MYLK: variants seen among roughly 807,000 people sequenced by gnomAD.
The protein encoded by MYLK is myosin light chain kinase, also known as myosin light chain kinase, smooth muscle.
MYLK carries 106 observed loss-of-function variants against 203.4 expected under a neutral mutation model. The ratio of observed to expected loss-of-function variants is 0.52; its 90% confidence interval spans 0.45 to 0.61. The LOEUF (loss-of-function observed/expected upper bound fraction) is 0.61, where lower values mean the gene tolerates loss of function less well. MYLK is among the 20% of genes least tolerant of loss of function. The pLI is 0.00. For missense variants in MYLK, 2,072 were observed against 2,442.3 expected (o/e 0.85, Z 3.20); for synonymous variants, 867 against 959.5 (o/e 0.90, Z 1.78).
At chr3:123,753,082 A>G (rs1191614991) in intron 4 of MYLK, among the ~76,000 whole-genome samples, 1 of 152,192 alleles carries the variant, frequency 6.6e-6, no homozygotes, top group African/African-American at 2.4e-5. Flanking sequence ...CAGGACCTGC[A>G]CTGCCCAGCA....
At chr3:123,691,130 C>G (rs1465152311) in intron 19 of MYLK, 1 of 152,214 alleles carries the variant, frequency 6.6e-6, no homozygotes, top group African/African-American at 2.4e-5. Flanking sequence ...AAGCCGATAA[C>G]CTCCTTCACT....
At chr3:123,858,806 G>C (rs2031640324) in intron 2 of MYLK, among the ~76,000 whole-genome samples, 1 of 152,040 alleles carries the variant, frequency 6.6e-6, no homozygotes, top group African/African-American at 2.4e-5. Context: ...CATGAGTTTT[G>C]GAGCGGACGT....
At chr3:123,659,691 G>A in intron 23 of MYLK, 1 of 518,232 alleles carries the variant, frequency 1.9e-6, no homozygotes, top group African/African-American at 1.9e-5. Context: ...AAAACTCTCA[G>A]AAAAGAACAG....
chr3:123,863,367 C>A (rs1432796184), intron 2 of MYLK, among the ~76,000 whole-genome samples: 4 of 41,454 alleles, frequency 9.6e-5, no homozygotes. Context: ...AATAGCCTTG[C>A]CAAAAAAAAA....
rs928141081 is a variant in MYLK at position 123,612,694 on chromosome 3, T to C, written c.*1411A>G. Reference sequence around the variant, plus strand: ...AATGGAAGATAACATAAGACTAATATCAAAATTCTAATGTTGATACTGTGT... The same window carrying C: ...AATGGAAGATAACATAAGACTAATACCAAAATTCTAATGTTGATACTGTGT... On this transcript the variant is annotated 3_prime_UTR_variant, in exon 34 of 34. Transcript: ENST00000360304. The C allele has an allele frequency of 2.6e-5, 4 of 152,540 alleles. No individual in the cohort carries two copies. The highest frequency in any genetic ancestry group is 9.7e-5 in the African/African-American group (4 of 41,424). 9.4% of individuals were successfully genotyped at this position (152,540 alleles called of 1,614,324 possible).
In MYLK at chr3:123,642,957, A is replaced by C. The variant is rs2058887398; in HGVS notation, c.4620-2453T>G. Among the ~76,000 whole-genome samples the C allele has an allele frequency of 6.6e-6, 1 of 152,228 alleles. No homozygotes were observed. Among genetic ancestry groups the C allele is most frequent in the African/African-American group, 2.4e-5 (1 of 41,462 alleles). ...AGTCTTGGGAGAGATCTGAGGATCTATATTTGTAATAATTACTCCAGGTCA... is the reference window on the plus strand; with the variant it reads ...AGTCTTGGGAGAGATCTGAGGATCTCTATTTGTAATAATTACTCCAGGTCA... On this transcript the variant is annotated intron_variant, in intron 27 of 33. Transcript: ENST00000360304. This position sits in a 1 kb window ranked among gnomAD's most constrained non-coding sequence, Gnocchi z 4.2.
At chr3:123,627,173 A>C (rs2058188387) in intron 30 of MYLK, among the ~76,000 whole-genome samples, 1 of 152,202 alleles carries the variant, frequency 6.6e-6, no homozygotes, top group African/African-American at 2.4e-5. Flanking sequence ...AAGCCCAAGC[A>C]CCAAGGAAGT....
chr3:123,618,741 C>G lies in MYLK; in HGVS notation c.5398G>C (p.Val1800Leu), dbSNP rs1447574686. The G allele has an allele frequency of 6.2e-7, 1 of 1,614,132 alleles. No individual in the cohort carries two copies. The highest frequency in any genetic ancestry group is 1.7e-5 in the Admixed American group (1 of 60,030). ...EDVSQAFLEA[V>L]AEEKPHVKPY... The stretch of plus-strand genomic sequence containing the variant: ...TTTACATGAGGCTTTTCCTCAGCAA[C>G]AGCCTCAAGGAAAGCTTGGGACACA... Residue 1800 changes from valine (V) to leucine (L), a missense_variant, in exon 33 of 34, where the codon GTT (valine) becomes CTT (leucine). Transcript: ENST00000360304.
intron 2 of MYLK, among the ~76,000 whole-genome samples, chr3:123,866,760 C>A (rs1301160512): frequency 6.6e-6 from 1 of 152,136 alleles, no homozygotes; most frequent in Non-Finnish European, 1.5e-5. Context: ...TCAGGACAAC[C>A]CTTAGAGTCA....
At chr3:123,645,204 C>T (rs777267755) in intron 27 of MYLK, among the ~76,000 whole-genome samples, 4 of 152,206 alleles carry the variant, frequency 2.6e-5, no homozygotes, top group Non-Finnish European at 4.4e-5. Flanking sequence ...GTCGTATCTA[C>T]ATTTATGGAT....
chr3:123,808,307 G>A (rs1205537886), intron 3 of MYLK, among the ~76,000 whole-genome samples: 1 of 152,070 alleles, frequency 6.6e-6, no homozygotes, highest in East Asian at 1.9e-4. Flanking sequence ...CTTACTCTAG[G>A]TGCCTGGAAT....
chr3:123,859,264 TA>T (rs1233783941), intron 2 of MYLK, among the ~76,000 whole-genome samples: 1 of 152,262 alleles, frequency 6.6e-6, no homozygotes, highest in Admixed American at 6.5e-5. Context: ...ACAAGTAAGA[TA>T]ACATAGGCTC....
At chr3:123,665,568 A>C (rs1052751654) in intron 22 of MYLK, among the ~76,000 whole-genome samples, 2 of 152,180 alleles carry the variant, frequency 1.3e-5, no homozygotes, top group African/African-American at 4.8e-5. Context: ...GTGCCAACCC[A>C]TCATTCCAGG....
intron 2 of MYLK, among the ~76,000 whole-genome samples, chr3:123,840,998 C>T (rs937407127): frequency 1.3e-4 from 20 of 152,088 alleles, no homozygotes; most frequent in African/African-American, 4.8e-4. Flanking sequence ...TACGAAGAAA[C>T]AGATACATGG....
chr3:123,713,023 C>T (rs373774744), intron 13 of MYLK, among the ~76,000 whole-genome samples: 5 of 152,262 alleles, frequency 3.3e-5, no homozygotes, highest in African/African-American at 7.2e-5. Flanking sequence ...AATACAAATG[C>T]GTTGCTTAAA....
intron 3 of MYLK, among the ~76,000 whole-genome samples, chr3:123,830,709 G>A (rs537886112): frequency 6.6e-6 from 1 of 152,216 alleles, no homozygotes; most frequent in South Asian, 2.1e-4. Flanking sequence ...CCTCACCCCA[G>A]GCTGATGTTA....
intron 1 of MYLK, among the ~76,000 whole-genome samples, chr3:123,882,781 A>G (rs1197799041): frequency 2.0e-5 from 3 of 152,130 alleles, no homozygotes. Context: ...TGGGAGAAAA[A>G]GGGGTAACCT....
At position 123,657,327 on chromosome 3, in the gene MYLK, C is replaced by T. The variant is rs2059419577; in HGVS notation, c.4087G>A (p.Val1363Ile). 1.2e-6 allele frequency: 2 copies of T among 1,614,152 alleles called. No homozygotes were observed. Among genetic ancestry groups the T allele is most frequent in the Non-Finnish European group, 1.7e-6 (2 of 1,180,036 alleles). The change falls in exon 24 of 34, where the codon GTA becomes ATA. Residue 1363 changes from valine to isoleucine, a missense_variant. Physicochemically the swap from Val to Ile is conservative, Grantham distance 29. Transcript: ENST00000360304. The stretch of plus-strand genomic sequence containing the variant: ...CAGATCTCGATGCTGTAGGACTGTA[C>T]AGCACTGCCCCCATCATATGAGGAG... Reference protein sequence around the residue: ...YGSSYDGGSAVQSYSIEIWDS... With the variant: ...YGSSYDGGSAIQSYSIEIWDS...
chr3:123,806,457 G>A (rs930830916), intron 3 of MYLK, among the ~76,000 whole-genome samples: 2 of 152,166 alleles, frequency 1.3e-5, no homozygotes, highest in African/African-American at 4.8e-5. Flanking sequence ...CTGGTAAAGA[G>A]ATGGGTCAAG....
Sources: gnomAD v4.1 joint callset for allele counts (sites outside exome capture counted in the v4.1 genomes callset) on GRCh38, gnomAD v4.1.1 for gene constraint, Gnocchi (gnomAD v3.1) non-coding constraint, MANE v1.5 for transcripts, NCBI Gene and HGNC (gene_info 2026-07-23, HGNC 2026-07-21) for gene names.